GALNTL6: variants seen among roughly 807,000 people sequenced by gnomAD.
GALNTL6 encodes polypeptide N-acetylgalactosaminyltransferase-like 6.
Under a neutral mutation model 73.7 loss-of-function variants are expected in GALNTL6, and 46 were observed. The observed-to-expected ratio is 0.62, with a 90% CI of 0.49 to 0.80. The LOEUF (loss-of-function observed/expected upper bound fraction) is 0.80. Ranked by LOEUF, GALNTL6 falls within the 30% of genes least tolerant of loss-of-function variation. The pLI, the probability that GALNTL6 is intolerant of heterozygous loss-of-function variation, is 0.00. For missense variants in GALNTL6, 604 were observed against 755.0 expected (o/e 0.80, Z 2.34); for synonymous variants, 259 against 263.7 (o/e 0.98, Z 0.17).
At chr4:172,156,540 A>AGTATATATGTGT (rs58197299) in intron 2 of GALNTL6, among the ~76,000 whole-genome samples, 2 of 125,166 alleles carry the variant, frequency 1.6e-5, no homozygotes, top group African/African-American at 3.4e-5. Context: ...ATATATATAT[A>AGTATATATGTGT]ATATATATAT....
At chr4:172,207,604 C>G (rs1050336210) in intron 2 of GALNTL6, among the ~76,000 whole-genome samples, 1 of 152,182 alleles carries the variant, frequency 6.6e-6, no homozygotes, top group Admixed American at 6.5e-5. Context: ...ACACCTCTTT[C>G]TGGGAAGCTG....
Position 172,981,796 on chromosome 4 carries a change from C to CTT in GALNTL6, c.1372-27359_1372-27358dup, listed in dbSNP as rs56273122. On this transcript the variant is annotated intron_variant, in intron 10 of 12. Coordinates refer to ENST00000506823, the MANE Select transcript of GALNTL6 (RefSeq NM_001034845.3). ...AGAATGCTTTGAGTAGTATGAACGT[C>CTT]TTTTTTTTTTTTTTTTTTTTTTTTA... is the stretch of plus-strand genomic sequence containing the variant. Among the ~76,000 whole-genome samples the CTT allele has an allele frequency of 7.9e-4, 80 of 101,756 alleles. 1 individual carries two copies. Among genetic ancestry groups the CTT allele is most frequent in the African/African-American group, 1.6e-3 (43 of 26,734 alleles). 66.8% of individuals were successfully genotyped at this position (101,756 alleles called of 152,430 possible). A position where few individuals can be genotyped will look rare whatever the true frequency, so the allele number is the denominator to read the frequency against.
intron 5 of GALNTL6, among the ~76,000 whole-genome samples, chr4:172,746,331 T>C (rs1277128376): frequency 6.6e-6 from 1 of 152,084 alleles, no homozygotes; most frequent in African/African-American, 2.4e-5. Flanking sequence ...TGGTACCAAT[T>C]TGTTTTTATT....
At chr4:172,719,289 T>A (rs1199191551) in intron 5 of GALNTL6, among the ~76,000 whole-genome samples, 1 of 152,222 alleles carries the variant, frequency 6.6e-6, no homozygotes, top group Non-Finnish European at 1.5e-5. Flanking sequence ...ACATTTTAAC[T>A]AAGGACAGAA....
chr4:171,845,173 C>G (rs1735337720), intron 2 of GALNTL6, among the ~76,000 whole-genome samples: 1 of 152,110 alleles, frequency 6.6e-6, no homozygotes, highest in Non-Finnish European at 1.5e-5. Context: ...AAAGCTGATA[C>G]TTCTTAACTG....
chr4:171,819,402 C>G (rs1734624547), intron 2 of GALNTL6, among the ~76,000 whole-genome samples: 1 of 151,812 alleles, frequency 6.6e-6, no homozygotes, highest in South Asian at 2.1e-4. Flanking sequence ...ACAATCTGGT[C>G]AAAAAAATAA....
chr4:172,658,316 A>G (rs1731183420), intron 5 of GALNTL6, among the ~76,000 whole-genome samples: 1 of 149,018 alleles, frequency 6.7e-6, no homozygotes. Context: ...AATACCAAAA[A>G]ATTAGCCGGG....
chr4:171,939,334 G>C (rs999543371), intron 2 of GALNTL6, among the ~76,000 whole-genome samples: 1 of 151,740 alleles, frequency 6.6e-6, no homozygotes, highest in African/African-American at 2.4e-5. Context: ...TTGTAATAAA[G>C]TATTTCATTA....
At chr4:172,330,018 A>T (rs1413685279) in intron 4 of GALNTL6, among the ~76,000 whole-genome samples, 1 of 152,150 alleles carries the variant, frequency 6.6e-6, no homozygotes, top group African/African-American at 2.4e-5. Context: ...GACGTATAAC[A>T]CTGCTACTGG....
chr4:172,123,500 A>AT (rs67067629), intron 2 of GALNTL6, among the ~76,000 whole-genome samples: 61,614 of 113,426 alleles, frequency 0.54, 18,462 homozygotes, highest in East Asian at 0.86. Context: ...AAAAGTCATA[A>AT]TTTTTTTTTT....
intron 5 of GALNTL6, among the ~76,000 whole-genome samples, chr4:172,783,968 G>GA (rs1739513314): frequency 1.3e-5 from 2 of 152,094 alleles, no homozygotes; most frequent in East Asian, 3.9e-4. Context: ...GATCACTAGG[G>GA]AAGTTTGTAA....
chr4:172,789,405 G>A lies in GALNTL6; in HGVS notation c.554-19956G>A, dbSNP rs185872403. On this transcript the variant is annotated intron_variant, in intron 5 of 12. Coordinates refer to ENST00000506823, the MANE Select transcript of GALNTL6 (RefSeq NM_001034845.3). Reference sequence around the variant, plus strand: ...TTCACAAACTTTCTTAAAATATTATGAGATTTTTTTGCAATTATTTTTTTA... The same window carrying A: ...TTCACAAACTTTCTTAAAATATTATAAGATTTTTTTGCAATTATTTTTTTA... Among the ~76,000 whole-genome samples, 5 of 152,286 alleles carry A rather than the reference G, an allele frequency of 3.3e-5. No homozygotes were observed. The East Asian group carries it at 9.6e-4, about 29-fold the overall frequency.
intron 5 of GALNTL6, among the ~76,000 whole-genome samples, chr4:172,382,213 C>T (rs1050354358): frequency 3.3e-5 from 5 of 152,052 alleles, no homozygotes; most frequent in African/African-American, 1.2e-4. Context: ...AGGTGATCCA[C>T]CTGCCTTGGC....
chr4:172,791,528 GAT>G (rs1487251609), intron 5 of GALNTL6, among the ~76,000 whole-genome samples: 1 of 152,074 alleles, frequency 6.6e-6, no homozygotes, highest in Admixed American at 6.5e-5. Context: ...GGTTGAAAAA[GAT>G]AACGGAATGT....
At chr4:172,484,016 A>G (rs1733585179) in intron 5 of GALNTL6, among the ~76,000 whole-genome samples, 1 of 152,180 alleles carries the variant, frequency 6.6e-6, no homozygotes, top group East Asian at 1.9e-4. Context: ...CCGAAGGAAA[A>G]GTTTAATCTT....
chr4:172,230,573 C>CAAAA (rs1737026248), intron 3 of GALNTL6, among the ~76,000 whole-genome samples: 1 of 150,342 alleles, frequency 6.7e-6, no homozygotes, highest in Non-Finnish European at 1.5e-5. Context: ...GAGTGAGACT[C>CAAAA]CGTTTCAAAA....
At chr4:172,413,056 T>C (rs530596291) in intron 5 of GALNTL6, among the ~76,000 whole-genome samples, 16 of 152,224 alleles carry the variant, frequency 1.1e-4, no homozygotes, top group Admixed American at 8.5e-4. Flanking sequence ...ATCCCCAGCC[T>C]CAGAAGACTC....
chr4:172,915,011 T>C (rs1747425451), intron 8 of GALNTL6, among the ~76,000 whole-genome samples: 1 of 152,188 alleles, frequency 6.6e-6, no homozygotes. Context: ...AAAGCACTCC[T>C]CAGCAAATGT....
rs375328103 is a variant in GALNTL6 at position 172,910,237 on chromosome 4, G to A, written c.1042-20924G>A. Among the ~76,000 whole-genome samples the A allele has an allele frequency of 1.1e-4, 17 of 152,196 alleles. No individual in the cohort carries two copies. In the South Asian group the frequency reaches 3.3e-3, roughly 30 times the overall value. ...ATTATGTGAAAATGACATTGCTATT[G>A]AAAATAATATAATATTATAATCTGC... On this transcript the variant is annotated intron_variant, in intron 8 of 12. Transcript: ENST00000506823.
Sources: allele counts gnomAD v4.1 joint callset (sites outside exome capture counted in the v4.1 genomes callset), GRCh38; gene constraint gnomAD v4.1.1; transcripts MANE v1.5; gene names NCBI Gene and HGNC (gene_info 2026-07-23, HGNC 2026-07-21).